Variants in PCNT observed in about 807,000 individuals in gnomAD.
The protein encoded by PCNT is pericentrin.
A neutral mutation model predicts 380.4 loss-of-function variants in PCNT; 319 were observed. The observed-to-expected ratio is 0.84, with a 90% confidence interval of 0.77 to 0.92. PCNT has a LOEUF of 0.92. Ranked by LOEUF, PCNT falls within the 40% of genes least tolerant of loss-of-function variation. PCNT has a pLI of 0.00. For missense variants in PCNT, 4,400 were observed against 4,255.3 expected (o/e 1.03, Z -0.95); for synonymous variants, 1,845 against 1,735.2 (o/e 1.06, Z -1.57).
Position 46,425,755 on chromosome 21 carries a change from C to A in PCNT, c.7180-76C>A. 1 of 1,602,580 alleles carries A rather than the reference C, an allele frequency of 6.2e-7. No homozygotes were observed. Among genetic ancestry groups the A allele is most frequent in the Non-Finnish European group, 8.5e-7 (1 of 1,175,100 alleles). ...CCTTCACAGAGTCCTGGCGGCAGCT[C>A]GGGGCCGCAGGTGGTGTAGAGCGTG... On this transcript the variant is annotated intron_variant, in intron 32 of 46. Coordinates refer to ENST00000359568, the MANE Select transcript of PCNT (RefSeq NM_006031.6). The surrounding 1 kb of genome is among the most constrained non-coding windows in gnomAD (Gnocchi z 4.2).
chr21:46,384,734 T>A (rs2085762785), intron 16 of PCNT, among the ~76,000 whole-genome samples: 1 of 141,618 alleles, frequency 7.1e-6, no homozygotes, highest in Admixed American at 7.0e-5. Flanking sequence ...ATTCATGGTG[T>A]TGTGCGTTGA....
Position 46,388,071 on chromosome 21 carries a change from G to A in PCNT, c.3465-671G>A, listed in dbSNP as rs555171752. Among the ~76,000 whole-genome samples the A allele has an allele frequency of 3.9e-5, 6 of 152,254 alleles. No homozygotes were observed. The highest frequency in any genetic ancestry group is 2.1e-4 in the South Asian group (1 of 4,824). On this transcript the variant is annotated intron_variant, in intron 17 of 46. Transcript: ENST00000359568. This position sits in a 1 kb window ranked among gnomAD's most constrained non-coding sequence, Gnocchi z 4.2. ...TAAAAATACAAAAAATTAGCCGGGC[G>A]TGGTGACAGACGCCTGTAGTCCCAG... is the stretch of plus-strand genomic sequence containing the variant.
At chr21:46,419,131 C>T (rs1021718627) in intron 31 of PCNT, among the ~76,000 whole-genome samples, 7 of 144,388 alleles carry the variant, frequency 4.8e-5, no homozygotes, top group African/African-American at 2.1e-4. Flanking sequence ...TTGAGGTGCT[C>T]TAACTTTTTA....
chr21:46,358,096 C>T (rs548997069), intron 13 of PCNT, among the ~76,000 whole-genome samples: 15 of 151,728 alleles, frequency 9.9e-5, no homozygotes, highest in Admixed American at 7.2e-4. Context: ...CGTCCCATGC[C>T]GGAGCAGTGG....
chr21:46,347,542 C>G, intron 6 of PCNT, 30 bp downstream of exon 6: 1 of 1,606,704 alleles, frequency 6.2e-7, no homozygotes, highest in African/African-American at 1.3e-5. Context: ...AAATGCACGC[C>G]TCTGTGTATG....
At chr21:46,421,248 G>C (rs970964284) in intron 31 of PCNT, among the ~76,000 whole-genome samples, 1 of 152,196 alleles carries the variant, frequency 6.6e-6, no homozygotes, top group South Asian at 2.1e-4. Context: ...TGCAGCCTCC[G>C]CTCCCCAGGG....
chr21:46,341,307 A>G (rs1157362618), intron 3 of PCNT, among the ~76,000 whole-genome samples: 2 of 151,582 alleles, frequency 1.3e-5, no homozygotes, highest in African/African-American at 4.9e-5. Context: ...TGTTTTCCAT[A>G]TGTCCGTTAT....
intron 1 of PCNT, chr21:46,324,999 G>C (rs919070209): frequency 1.0e-6 from 1 of 984,514 alleles, no homozygotes; most frequent in African/African-American, 1.7e-5. Context: ...ACGCTGCCGG[G>C]AACCCACGCG....
chr21:46,331,869 G>C (rs1333345347), intron 2 of PCNT, among the ~76,000 whole-genome samples: 1 of 152,010 alleles, frequency 6.6e-6, no homozygotes, highest in Non-Finnish European at 1.5e-5. Context: ...TTTGGTAAAA[G>C]AACCATCTGG....
Position 46,381,196 on chromosome 21 carries a change from CTGTGTGTGTGTGTGTGTGTGTG to C in PCNT, c.3166-470_3166-449del, listed in dbSNP as rs10523538. Among the ~76,000 whole-genome samples, 702 of 122,246 alleles carry C rather than the reference CTGTGTGTGTGTGTGTGTGTGTG, an allele frequency of 5.7e-3. 47 individuals are homozygous for C. Among genetic ancestry groups the C allele is most frequent in the African/African-American group, 0.02 (634 of 32,224 alleles). The allele number at this position is 122,246 out of a possible 152,430, so 80.2% of individuals were successfully genotyped here. A position where few individuals can be genotyped will look rare whatever the true frequency, so the allele number is the denominator to read the frequency against. On this transcript the variant is annotated intron_variant, in intron 15 of 46. Transcript: ENST00000359568. ...TTCCAAAAAAAAAAAAAAAAAATCT[CTGTGTGTGTGTGTGTGTGTGTG>C]TGTGTGTGTGTGTGTGTGTGTGTGT...
chr21:46,360,006 A>G (rs1490677999), intron 13 of PCNT, among the ~76,000 whole-genome samples: 4 of 150,100 alleles, frequency 2.7e-5, no homozygotes, highest in Non-Finnish European at 5.9e-5. Flanking sequence ...ACAGGTGCAC[A>G]CTACCGTGCT....
intron 7 of PCNT, 107 bp from the exon 8 acceptor site, chr21:46,349,577 A>G: frequency 8.0e-7 from 1 of 1,246,786 alleles, no homozygotes. Flanking sequence ...GGCGCCCAGG[A>G]TGGGGCTCTG....
In PCNT at chr21:46,324,163, A is replaced by G; in HGVS notation, c.-66A>G. 1 of 1,390,702 alleles carries G rather than the reference A, an allele frequency of 7.2e-7. No individual in the cohort carries two copies. Among genetic ancestry groups the G allele is most frequent in the Non-Finnish European group, 1.0e-6 (1 of 992,176 alleles). The allele number at this position is 1,390,702 out of a possible 1,614,324, so 86.1% of individuals were successfully genotyped here. ...CCCAAGCGCGGGGGAGGGAGTGTAA[A>G]TAGAGCGAAGGCTGCTCTGTGTCAG... On this transcript the variant is annotated 5_prime_UTR_variant, in exon 1 of 47. Transcript: ENST00000359568.
In PCNT at chr21:46,357,051, G is replaced by C; in HGVS notation, c.2014G>C (p.Gly672Arg). Residue 672 changes from glycine to arginine, a missense_variant, in exon 13 of 47, where the codon GGT (glycine) becomes CGT (arginine). Coordinates refer to ENST00000359568, the MANE Select transcript of PCNT (RefSeq NM_006031.6). ...ADTERAARVL[G>R]LETEHKVQLS... ...CACAGAGCGGGCAGCCAGAGTCTTG[G>C]GTCTGGAAACTGAGCACAAGGTGCA... 3 of 1,614,186 alleles carry C rather than the reference G, an allele frequency of 1.9e-6. No homozygotes were observed. The highest frequency in any genetic ancestry group is 2.5e-6 in the Non-Finnish European group (3 of 1,180,034).
intron 46 of PCNT, 118 bp from the exon 47 acceptor site, chr21:46,445,166 A>G (rs1443206335): frequency 1.3e-6 from 1 of 796,750 alleles, no homozygotes; most frequent in African/African-American, 1.7e-5. Context: ...TGTATAATTC[A>G]TATTTTTACC....
In PCNT at chr21:46,385,785, T is replaced by C. The variant is rs1275476836; in HGVS notation, c.3313-47T>C. On this transcript the variant is annotated intron_variant, in intron 16 of 46. Transcript: ENST00000359568. ...TGAAAGTCCCTTACAGCCATTTGCT[T>C]TTAACCAAATTGTTTTAACGAAAGC... 3.1e-6 allele frequency: 5 copies of C among 1,607,902 alleles called. No homozygotes were observed. The African/African-American group carries it at 5.3e-5, about 17-fold the overall frequency.
intron 15 of PCNT, among the ~76,000 whole-genome samples, chr21:46,372,676 T>G (rs1413073682): frequency 6.6e-6 from 1 of 152,248 alleles, no homozygotes; most frequent in Non-Finnish European, 1.5e-5. Context: ...GTTTTGAACC[T>G]GAAAGGTTTG....
intron 39 of PCNT, among the ~76,000 whole-genome samples, chr21:46,436,748 C>G (rs2053467279): frequency 1.3e-5 from 2 of 152,140 alleles, no homozygotes; most frequent in African/African-American, 4.8e-5. Context: ...GCTTCCCGTG[C>G]TCGGTGGCGC....
rs76638400 is a variant in PCNT, at chr21:46,372,971, C to A, written c.3165+5832C>A. On this transcript the variant is annotated intron_variant, in intron 15 of 46. Coordinates refer to ENST00000359568, the MANE Select transcript of PCNT (RefSeq NM_006031.6). The stretch of plus-strand genomic sequence containing the variant: ...CAAGGAGGTGTTCGTTTTCTGAAAT[C>A]GTGTGTCACCTGTGTCCTTTAACCT... Among the ~76,000 whole-genome samples the A allele has an allele frequency of 2.8e-3, 434 of 152,350 alleles. 2 individuals are homozygous for A. Among genetic ancestry groups the A allele is most frequent in the African/African-American group, 9.7e-3 (403 of 41,592 alleles).
Sources: allele counts gnomAD v4.1 joint callset (sites outside exome capture counted in the v4.1 genomes callset), GRCh38; gene constraint gnomAD v4.1.1; non-coding constraint Gnocchi (gnomAD v3.1); transcripts MANE v1.5; gene names NCBI Gene and HGNC (gene_info 2026-07-23, HGNC 2026-07-21).